The following NACC1 variants were observed in gnomAD, a reference collection of about 807,000 sequenced individuals.
NACC1 encodes nucleus accumbens-associated protein 1.
In NACC1, 6 loss-of-function variants were observed where a neutral mutation model predicts 41.7. The ratio of observed to expected loss-of-function variants is 0.14; its 90% CI spans 0.08 to 0.28. The LOEUF is 0.28. Among genes scored for constraint, NACC1 ranks in the 10% least tolerant of loss-of-function variants. The probability of loss-of-function intolerance (pLI) is 1.00; values close to 1 mark genes in which losing one functional copy is unlikely to be tolerated. For missense variants in NACC1, 434 were observed against 763.7 expected (o/e 0.57, Z 5.09); for synonymous variants, 338 against 330.6 (o/e 1.02, Z -0.24).
Position 13,138,632 on chromosome 19 carries a change from C to T in NACC1, c.*226C>T, listed in dbSNP as rs952117704. 19 of 618,352 alleles carry T rather than the reference C, an allele frequency of 3.1e-5. No homozygotes were observed. The highest frequency in any genetic ancestry group is 5.0e-5 in the Non-Finnish European group (18 of 358,192). The allele number at this position is 618,352 out of a possible 1,614,324, so 38.3% of individuals were successfully genotyped here. On this transcript the variant is annotated 3_prime_UTR_variant, in exon 6 of 6. Coordinates refer to ENST00000292431, the MANE Select transcript of NACC1 (RefSeq NM_052876.4). This position sits in a 1 kb window ranked among gnomAD's most constrained non-coding sequence, Gnocchi z 5.7. ...GGTCCGTGTTGCCTTCTTTAACACA[C>T]ACTCGTGCAGTGGGGGAGTTCTGGC...
rs1221103618 is a variant in NACC1 at position 13,139,492 on chromosome 19, ATGTGTGTGTGTGGG to A, written c.*1092_*1105del. 6.6e-6 allele frequency: 1 copy of A among 151,994 alleles called. No homozygotes were observed. The highest frequency in any genetic ancestry group is 1.5e-5 in the Non-Finnish European group (1 of 68,316). The allele number at this position is 151,994 out of a possible 1,614,324, so 9.4% of individuals were successfully genotyped here. ...GTTGGGGGGCTGGGGGGCAGGCTGA[ATGTGTGTGTGTGGG>A]TGTGTATGTGTGGAGTGTGTGTGTG... On this transcript the variant is annotated 3_prime_UTR_variant, in exon 6 of 6. Transcript: ENST00000292431.
At chr19:13,119,755 C>G (rs1008418290) in intron 1 of NACC1, among the ~76,000 whole-genome samples, 2 of 152,200 alleles carry the variant, frequency 1.3e-5, no homozygotes, top group Non-Finnish European at 2.9e-5. Context: ...GGGATCAAAT[C>G]AGGCACTCAC....
intron 1 of NACC1, among the ~76,000 whole-genome samples, chr19:13,128,528 T>C (rs1440287689): frequency 6.6e-6 from 1 of 152,226 alleles, no homozygotes; most frequent in African/African-American, 2.4e-5. Context: ...ACTTTGTCCA[T>C]AGCAGAGCCC....
chr19:13,119,712 C>T (rs931054766), intron 1 of NACC1, among the ~76,000 whole-genome samples: 4 of 152,152 alleles, frequency 2.6e-5, no homozygotes, highest in Non-Finnish European at 4.4e-5. Flanking sequence ...AGGCTCCCGA[C>T]GGGGTGAAGG....
intron 1 of NACC1, among the ~76,000 whole-genome samples, chr19:13,133,438 C>T (rs1380640000): frequency 6.6e-6 from 1 of 152,162 alleles, no homozygotes; most frequent in Non-Finnish European, 1.5e-5. Flanking sequence ...ATTCTCCCCG[C>T]CTCCCAGCCC....
rs748605946 is a variant in NACC1, at chr19:13,135,300, C to T, written c.93C>T (p.Asp31=). 1.5e-5 allele frequency: 25 copies of T among 1,613,852 alleles called. No homozygotes were observed. The highest frequency in any genetic ancestry group is 1.6e-4 in the Middle Eastern group (1 of 6,062). ...AGCGGCTGCAGGGCCTGTACTGTGA[C>T]GTGTCAGTGGTGGTCAAGGGCCATG... ...NEQRLQGLYC[D]VSVVVKGHAF... Residue 31 remains aspartate (D), a synonymous_variant, in exon 2 of 6, where the codon GAC becomes GAT. Transcript: ENST00000292431.
chr19:13,125,112 G>A (rs995062192), intron 1 of NACC1, among the ~76,000 whole-genome samples: 9 of 152,120 alleles, frequency 5.9e-5, no homozygotes, highest in African/African-American at 2.2e-4. Context: ...AGTGATCCAA[G>A]ATTGCACCAC....
At chr19:13,129,014 T>G (rs1003355303) in intron 1 of NACC1, among the ~76,000 whole-genome samples, 2 of 152,210 alleles carry the variant, frequency 1.3e-5, no homozygotes, top group African/African-American at 4.8e-5. Context: ...GGGGAGTTTA[T>G]AGTCAAGTGG....
At chr19:13,129,696 C>T (rs1191662558) in intron 1 of NACC1, among the ~76,000 whole-genome samples, 1 of 152,162 alleles carries the variant, frequency 6.6e-6, no homozygotes, top group African/African-American at 2.4e-5. Context: ...GGCTCCAAAG[C>T]CCTGGGTGCT....
In NACC1 at chr19:13,135,398, G is replaced by C. The variant is rs1254397937; in HGVS notation, c.191G>C (p.Ser64Thr). 6.2e-7 allele frequency: 1 copy of C among 1,613,364 alleles called. No individual in the cohort carries two copies. Among genetic ancestry groups the C allele is most frequent in the East Asian group, 2.2e-5 (1 of 44,896 alleles). Residue 64 changes from serine (S) to threonine (T), a missense_variant, in exon 2 of 6, where the codon AGC becomes ACC. Around this residue, in one of 4 missense-constraint regions of NACC1, gnomAD observed 67 missense variants for 180.1 expected, o/e 0.37. Coordinates refer to ENST00000292431, the MANE Select transcript of NACC1 (RefSeq NM_052876.4). ...YFRDLFNNSR[S>T]AVVELPAAVQ... ...CGGGACCTGTTCAACAACAGCCGCAGCGCCGTGGTGGAGCTGCCGGCGGCT... is the reference window on the plus strand; with the variant it reads ...CGGGACCTGTTCAACAACAGCCGCACCGCCGTGGTGGAGCTGCCGGCGGCT...
intron 1 of NACC1, among the ~76,000 whole-genome samples, chr19:13,121,127 G>C (rs530779050): frequency 6.6e-6 from 1 of 152,332 alleles, no homozygotes; most frequent in Admixed American, 6.5e-5. Context: ...GGGATGGGGA[G>C]GTTTCGATGG....
intron 1 of NACC1, among the ~76,000 whole-genome samples, chr19:13,119,363 GTGTT>G (rs1056982568): frequency 3.3e-5 from 5 of 152,150 alleles, no homozygotes; most frequent in Non-Finnish European, 5.9e-5. Flanking sequence ...TGGCCAGTGG[GTGTT>G]TGTGTGGGCA....
At chr19:13,133,991 AT>A (rs1394670981) in intron 1 of NACC1, among the ~76,000 whole-genome samples, 1 of 152,054 alleles carries the variant, frequency 6.6e-6, no homozygotes, top group African/African-American at 2.4e-5. Flanking sequence ...TAGGATTTGC[AT>A]TTCCCTGATG....
chr19:13,123,105 T>C (rs963037038), intron 1 of NACC1, among the ~76,000 whole-genome samples: 22 of 152,126 alleles, frequency 1.4e-4, no homozygotes, highest in African/African-American at 4.8e-4. Context: ...CGTGGTTCCC[T>C]AGCACAGCCC....
intron 1 of NACC1, among the ~76,000 whole-genome samples, chr19:13,127,517 C>T (rs2019580865): frequency 2.7e-5 from 4 of 150,766 alleles, no homozygotes; most frequent in Admixed American, 2.0e-4. Flanking sequence ...ATGGTGAAAC[C>T]CCATCTCTAC....
rs554415069 is a variant in NACC1, at chr19:13,140,645, G to C, written c.*2239G>C. 1 of 151,878 alleles carries C rather than the reference G, an allele frequency of 6.6e-6. No homozygotes were observed. The allele number at this position is 151,878 out of a possible 1,614,324, so 9.4% of individuals were successfully genotyped here. ...CGGGGGGTGGGGGGGTGGGGAGAAGGGTCGGGCAGGGGGTGCAGGGGAGGA... is the reference window on the plus strand; with the variant it reads ...CGGGGGGTGGGGGGGTGGGGAGAAGCGTCGGGCAGGGGGTGCAGGGGAGGA... On this transcript the variant is annotated 3_prime_UTR_variant, in exon 6 of 6. Coordinates refer to ENST00000292431, the MANE Select transcript of NACC1 (RefSeq NM_052876.4). This position sits in a 1 kb window ranked among gnomAD's most constrained non-coding sequence, Gnocchi z 4.0.
intron 1 of NACC1, among the ~76,000 whole-genome samples, chr19:13,129,336 G>A (rs1209215519): frequency 3.3e-5 from 5 of 152,176 alleles, no homozygotes; most frequent in South Asian, 4.1e-4. Context: ...CGAGAGACCC[G>A]TTTCCTCTGA....
Position 13,137,439 on chromosome 19 carries a change from A to G in NACC1, c.1227-39A>G, listed in dbSNP as rs753401854. 1 of 1,606,968 alleles carries G rather than the reference A, an allele frequency of 6.2e-7. No individual in the cohort carries two copies. The highest frequency in any genetic ancestry group is 8.5e-7 in the Non-Finnish European group (1 of 1,174,920). ...GTTTCCCCATGTCCCCCCCACCACC[A>G]ACTTGAGCGCTGACTCCCTCCATGT... On this transcript the variant is annotated intron_variant, in intron 4 of 5. Transcript: ENST00000292431. This position sits in a 1 kb window ranked among gnomAD's most constrained non-coding sequence, Gnocchi z 6.1.
At chr19:13,131,726 G>A (rs984130474) in intron 1 of NACC1, 2 of 152,262 alleles carry the variant, frequency 1.3e-5, no homozygotes, top group African/African-American at 2.4e-5. Context: ...AGGAGGGGAA[G>A]AGGAAGGAAG....
Sources: gnomAD v4.1 joint callset for allele counts (sites outside exome capture counted in the v4.1 genomes callset) on GRCh38, gnomAD v4.1.1 for gene constraint, gnomAD v4.1.1 regional missense constraint, Gnocchi (gnomAD v3.1) non-coding constraint, MANE v1.5 for transcripts, NCBI Gene and HGNC (gene_info 2026-07-23, HGNC 2026-07-21) for gene names.